MAX: variants seen among roughly 807,000 people sequenced by gnomAD.
MAX encodes protein max.
MAX carries 3 observed loss-of-function variants against 22.3 expected under a neutral mutation model. The ratio of observed to expected loss-of-function variants is 0.13; its 90% CI spans 0.06 to 0.35. MAX has a LOEUF of 0.35. MAX is among the 10% of genes least tolerant of loss of function. The pLI is 1.00. For synonymous variants in MAX, 72 were observed against 77.7 expected (o/e 0.93, Z 0.39); for missense variants, 119 against 209.4 (o/e 0.57, Z 2.66).
chr14:65,066,592 C>T lies in MAX; in HGVS notation c.171+27116G>A, dbSNP rs112459081. On this transcript the variant is annotated intron_variant, in intron 3 of 3. Coordinates refer to the MAX transcript ENST00000341653. ...ATGCATGGCCGGGTGTGGTGGCTCA[C>T]GCCTGTAATCCCAACACTTTGGGAG... Among the ~76,000 whole-genome samples, 1,181 of 152,224 alleles carry T rather than the reference C, an allele frequency of 7.8e-3. 12 individuals are homozygous for T. The highest frequency in any genetic ancestry group is 0.027 in the African/African-American group (1,124 of 41,526).
At chr14:65,019,925 A>G (rs1453732852) in intron 3 of MAX, among the ~76,000 whole-genome samples, 2 of 152,196 alleles carry the variant, frequency 1.3e-5, no homozygotes, top group Admixed American at 6.5e-5. Flanking sequence ...CTTTTTATTT[A>G]TCTTGCACAG....
intron 2 of MAX, among the ~76,000 whole-genome samples, chr14:65,099,149 G>GA: frequency 6.6e-6 from 1 of 151,814 alleles, no homozygotes; most frequent in Non-Finnish European, 1.5e-5. Flanking sequence ...TCACAGAGGG[G>GA]AAAAAATGGA....
chr14:65,013,168 C>T (rs2061710260), intron 3 of MAX, among the ~76,000 whole-genome samples: 1 of 152,150 alleles, frequency 6.6e-6, no homozygotes, highest in Admixed American at 6.5e-5. Context: ...GATTTGCCAA[C>T]TCAAATGCCT....
In MAX at chr14:65,011,156, C is replaced by T. The variant is rs1454894674; in HGVS notation, c.172-4872G>A. Among the ~76,000 whole-genome samples the T allele has an allele frequency of 6.6e-6, 1 of 152,132 alleles. No individual in the cohort carries two copies. The highest frequency in any genetic ancestry group is 1.5e-5 in the Non-Finnish European group (1 of 68,038). ...TAAAGACTACATGAAGGGCTGGGTG[C>T]GGTGGCTCACGCCTGTAATCCCAGC... On this transcript the variant is annotated intron_variant, in intron 3 of 3. Coordinates refer to the MAX transcript ENST00000341653. The surrounding 1 kb of genome is among the most constrained non-coding windows in gnomAD (Gnocchi z 4.0).
At chr14:65,059,837 C>CTTTTTTTT (rs34459085) in intron 3 of MAX, among the ~76,000 whole-genome samples, 2 of 134,242 alleles carry the variant, frequency 1.5e-5, no homozygotes, top group African/African-American at 2.8e-5. Context: ...GTCCTTTTTT[C>CTTTTTTTT]TTTTTTTTTT....
In MAX at chr14:65,047,466, A is replaced by T. The variant is rs988081843; in HGVS notation, c.172-41182T>A. ...TAGTAAAAGAAATGCTAATCAAAAGAGTGGCACTATTTGTTTTTATTATTG... is the reference window on the plus strand; with the variant it reads ...TAGTAAAAGAAATGCTAATCAAAAGTGTGGCACTATTTGTTTTTATTATTG... On this transcript the variant is annotated intron_variant, in intron 3 of 3. Transcript: ENST00000341653. The surrounding 1 kb of genome is among the most constrained non-coding windows in gnomAD (Gnocchi z 5.2). Among the ~76,000 whole-genome samples, 1 of 152,196 alleles carries T rather than the reference A, an allele frequency of 6.6e-6. No homozygotes were observed. The highest frequency in any genetic ancestry group is 2.4e-5 in the African/African-American group (1 of 41,454).
At chr14:65,097,890 A>C (rs2063714603) in intron 2 of MAX, among the ~76,000 whole-genome samples, 1 of 152,148 alleles carries the variant, frequency 6.6e-6, no homozygotes, top group African/African-American at 2.4e-5. Flanking sequence ...ATTTTCCAAT[A>C]CCTGTCCTGC....
intron 3 of MAX, among the ~76,000 whole-genome samples, chr14:65,052,670 C>T (rs182061988): frequency 5.3e-5 from 8 of 152,280 alleles, no homozygotes; most frequent in Admixed American, 3.3e-4. Flanking sequence ...TCATATGATG[C>T]AGGAGGGCAG....
intron 3 of MAX, among the ~76,000 whole-genome samples, chr14:65,081,692 G>C (rs549756147): frequency 1.3e-5 from 2 of 152,194 alleles, no homozygotes; most frequent in Admixed American, 6.5e-5. Flanking sequence ...TGGGTACTCA[G>C]TAAAAGCCTG....
intron 2 of MAX, among the ~76,000 whole-genome samples, chr14:65,097,214 T>C (rs995639767): frequency 6.6e-6 from 1 of 152,248 alleles, no homozygotes; most frequent in Admixed American, 6.5e-5. Flanking sequence ...ATCTTAAGTG[T>C]TGTTAGATGT....
At position 65,019,190 on chromosome 14, in the gene MAX, AAAG is replaced by A. The variant is rs578071456; in HGVS notation, c.172-12909_172-12907del. Among the ~76,000 whole-genome samples the A allele has an allele frequency of 1.4e-3, 214 of 151,946 alleles. 2 individuals are homozygous for A. Among genetic ancestry groups the A allele is most frequent in the African/African-American group, 4.6e-3 (190 of 41,420 alleles). ...CTCCATCTCAAAAAAAGAAAAAGAA[AAAG>A]AAGAACTTTCTGGCTGGATGTAGTG... On this transcript the variant is annotated intron_variant, in intron 3 of 3. Transcript: ENST00000341653.
In MAX at chr14:65,093,662, T is replaced by A; in HGVS notation, c.171+46A>T. On this transcript the variant is annotated intron_variant, in intron 3 of 4. Transcript: ENST00000358664. The surrounding 1 kb of genome is among the most constrained non-coding windows in gnomAD (Gnocchi z 4.4). The stretch of plus-strand genomic sequence containing the variant: ...TGCTCTGCTAAGCTCTGCAACAAGT[T>A]CCAAGCTAGTAGTGGCCAGCTACTC... The A allele has an allele frequency of 9.9e-7, 1 of 1,006,350 alleles. No individual in the cohort carries two copies. The highest frequency in any genetic ancestry group is 1.6e-6 in the Non-Finnish European group (1 of 624,684). The allele number at this position is 1,006,350 out of a possible 1,614,324, so 62.3% of individuals were successfully genotyped here. A position where few individuals can be genotyped will look rare whatever the true frequency, so the allele number is the denominator to read the frequency against.
At position 65,027,624 on chromosome 14, in the gene MAX, G is replaced by A. The variant is rs1382306024; in HGVS notation, c.172-21340C>T. On this transcript the variant is annotated intron_variant, in intron 3 of 3. Transcript: ENST00000341653. This position sits in a 1 kb window ranked among gnomAD's most constrained non-coding sequence, Gnocchi z 5.7. ...GGTACAGTGAAAGCCAGCAGTGACA[G>A]AAACCTAGAGGAGTTCCCCGCCTGC... 6.2e-7 allele frequency: 1 copy of A among 1,614,092 alleles called. No individual in the cohort carries two copies.
rs950073403 is a variant in MAX, at chr14:65,011,938, A to G, written c.172-5654T>C. ...AGGGAAGTGGCGAGGCTCAGATTTA[A>G]ATTGCTTATAGGATGGGGAGGCACA... On this transcript the variant is annotated intron_variant, in intron 3 of 3. Transcript: ENST00000341653. The surrounding 1 kb of genome is among the most constrained non-coding windows in gnomAD (Gnocchi z 4.0). Among the ~76,000 whole-genome samples the G allele has an allele frequency of 6.6e-6, 1 of 152,124 alleles. No homozygotes were observed. The highest frequency in any genetic ancestry group is 2.4e-5 in the African/African-American group (1 of 41,410).
At chr14:65,041,914 A>G (rs1397600266) in intron 3 of MAX, among the ~76,000 whole-genome samples, 2 of 152,222 alleles carry the variant, frequency 1.3e-5, no homozygotes, top group African/African-American at 4.8e-5. Context: ...TCAGTTATAA[A>G]GACAGTGTTC....
intron 3 of MAX, among the ~76,000 whole-genome samples, chr14:65,055,276 T>A (rs1425434950): frequency 2.0e-5 from 3 of 152,232 alleles, no homozygotes; most frequent in African/African-American, 7.2e-5. Flanking sequence ...GAGGACAACC[T>A]GGAGGTGCTC....
At chr14:65,022,411 T>G (rs1409254991) in intron 3 of MAX, among the ~76,000 whole-genome samples, 1 of 152,206 alleles carries the variant, frequency 6.6e-6, no homozygotes, top group African/African-American at 2.4e-5. Context: ...ACCTAAATAC[T>G]TCTTGCTACA....
At chr14:65,035,952 C>G (rs1211524046) in intron 3 of MAX, among the ~76,000 whole-genome samples, 1 of 150,964 alleles carries the variant, frequency 6.6e-6, no homozygotes, top group Non-Finnish European at 1.5e-5. Flanking sequence ...CCACCTCAGC[C>G]TCCTGAGTAG....
At chr14:65,010,974 T>G (rs183543283) in intron 3 of MAX, among the ~76,000 whole-genome samples, 3 of 152,312 alleles carry the variant, frequency 2.0e-5, no homozygotes, top group East Asian at 3.9e-4. Flanking sequence ...ACATTCCTCC[T>G]TTTTCACACA....
Sources: allele counts gnomAD v4.1 joint callset (sites outside exome capture counted in the v4.1 genomes callset), GRCh38; gene constraint gnomAD v4.1.1; non-coding constraint Gnocchi (gnomAD v3.1); transcripts MANE v1.5; gene names NCBI Gene and HGNC (gene_info 2026-07-23, HGNC 2026-07-21).